The following PTPRT variants were observed in gnomAD, a reference collection of about 807,000 sequenced individuals.
PTPRT encodes receptor-type tyrosine-protein phosphatase T.
Under a neutral mutation model 176.8 loss-of-function variants are expected in PTPRT, and 56 were observed. The observed-to-expected ratio is 0.32, with a 90% CI of 0.26 to 0.40. PTPRT has a LOEUF of 0.40. Ranked by LOEUF, PTPRT falls within the 10% of genes least tolerant of loss-of-function variation. The pLI is 1.00. For synonymous variants in PTPRT, 783 were observed against 739.0 expected (o/e 1.06, Z -0.96); for missense variants, 1,540 against 1,908.2 (o/e 0.81, Z 3.60).
intron 6 of PTPRT, among the ~76,000 whole-genome samples, chr20:42,696,458 A>ATTTTAT (rs2075878424): frequency 1.2e-5 from 1 of 83,416 alleles, no homozygotes; most frequent in East Asian, 3.1e-4. Flanking sequence ...CACATGAATT[A>ATTTTAT]TTTTTTTTTT....
intron 23 of PTPRT, among the ~76,000 whole-genome samples, chr20:42,108,590 TCAA>T (rs997775995): frequency 5.9e-5 from 9 of 152,214 alleles, no homozygotes; most frequent in African/African-American, 2.2e-4. Context: ...ACTATTATAT[TCAA>T]CAAATATTTA....
At chr20:43,137,546 C>T (rs6016966) in intron 1 of PTPRT, among the ~76,000 whole-genome samples, 1 of 152,308 alleles carries the variant, frequency 6.6e-6, no homozygotes, top group South Asian at 2.1e-4. Flanking sequence ...TGGGAAAGGG[C>T]TGACACAAAC....
chr20:42,423,810 G>A (rs1449843287), intron 9 of PTPRT, among the ~76,000 whole-genome samples: 1 of 152,126 alleles, frequency 6.6e-6, no homozygotes, highest in Non-Finnish European at 1.5e-5. Context: ...ACAGAATGTG[G>A]CCATTAAAAT....
chr20:42,087,460 G>A (rs976002742), intron 27 of PTPRT, among the ~76,000 whole-genome samples: 1 of 151,472 alleles, frequency 6.6e-6, no homozygotes, highest in Non-Finnish European at 1.5e-5. Context: ...TGTTAGCCAG[G>A]ATGGTCTTGA....
intron 1 of PTPRT, among the ~76,000 whole-genome samples, chr20:43,123,894 T>C (rs2013354222): frequency 3.3e-5 from 5 of 152,226 alleles, no homozygotes; most frequent in Admixed American, 3.3e-4. Flanking sequence ...AAAATGTGTG[T>C]TGCCATTGAT....
chr20:42,969,474 T>G (rs1395078766), intron 1 of PTPRT: 4 of 152,296 alleles, frequency 2.6e-5, no homozygotes, highest in African/African-American at 9.6e-5. Context: ...AATGATGATT[T>G]GAACGTACAT....
intron 13 of PTPRT, among the ~76,000 whole-genome samples, chr20:42,278,222 G>A (rs779347578): frequency 5.0e-5 from 7 of 140,902 alleles, no homozygotes; most frequent in Non-Finnish European, 1.1e-4. Flanking sequence ...CAGAGGTCAG[G>A]ATGGTCTTCT....
At chr20:42,283,090 T>C (rs1315310954) in intron 12 of PTPRT, among the ~76,000 whole-genome samples, 1 of 152,162 alleles carries the variant, frequency 6.6e-6, no homozygotes, top group Non-Finnish European at 1.5e-5. Flanking sequence ...AAATAATGTG[T>C]GTGGCAATAG....
chr20:43,103,236 C>A (rs1373076158), intron 1 of PTPRT, among the ~76,000 whole-genome samples: 3 of 152,146 alleles, frequency 2.0e-5, no homozygotes, highest in Admixed American at 2.0e-4. Flanking sequence ...GAGTCTAGCC[C>A]CATGGCTCCA....
chr20:42,801,363 C>T (rs1437568714), intron 2 of PTPRT, among the ~76,000 whole-genome samples: 2 of 152,120 alleles, frequency 1.3e-5, no homozygotes, highest in Admixed American at 1.3e-4. Flanking sequence ...GGCTTTCTCC[C>T]CTGGCTTCTC....
chr20:42,380,986 T>C (rs958489386), intron 9 of PTPRT, among the ~76,000 whole-genome samples: 2 of 151,984 alleles, frequency 1.3e-5, no homozygotes, highest in African/African-American at 4.8e-5. Flanking sequence ...AGCAGGCACA[T>C]TTCACATGGT....
At position 42,191,488 on chromosome 20, in the gene PTPRT, T is replaced by TG. The variant is rs1181999672; in HGVS notation, c.2491+7751_2491+7752insC. ...TCATGGTTGTCTTGGAAACCACACA[T>TG]TCCGTGGGCATGGACCAAATGGAGA... On this transcript the variant is annotated intron_variant, in intron 16 of 30. Transcript: ENST00000373187. Among the ~76,000 whole-genome samples, 82 of 152,158 alleles carry TG rather than the reference T, an allele frequency of 5.4e-4. 1 individual carries two copies. The highest frequency in any genetic ancestry group is 2.0e-3 in the African/African-American group (81 of 41,440).
intron 9 of PTPRT, among the ~76,000 whole-genome samples, chr20:42,441,915 A>T (rs1227208596): frequency 1.3e-5 from 2 of 152,168 alleles, no homozygotes; most frequent in Admixed American, 1.3e-4. Context: ...GAATTATGCA[A>T]ATTTTTGCTT....
intron 15 of PTPRT, among the ~76,000 whole-genome samples, chr20:42,228,156 G>A (rs2056060283): frequency 6.6e-6 from 1 of 152,142 alleles, no homozygotes; most frequent in Non-Finnish European, 1.5e-5. Flanking sequence ...AAAAGTAATT[G>A]CGGTTTTTGC....
intron 13 of PTPRT, chr20:42,270,492 A>G (rs1272838116): frequency 6.5e-7 from 1 of 1,537,984 alleles, no homozygotes; most frequent in East Asian, 2.4e-5. Context: ...AGCATGCAGA[A>G]GAGAAGGAGA....
intron 7 of PTPRT, among the ~76,000 whole-genome samples, chr20:42,634,034 A>T (rs1161423559): frequency 3.5e-5 from 1 of 28,540 alleles, no homozygotes; most frequent in Non-Finnish European, 5.5e-5. Context: ...TATATATATT[A>T]TATATATTAT....
chr20:42,860,422 TA>T (rs1379219964), intron 2 of PTPRT, among the ~76,000 whole-genome samples: 3 of 152,254 alleles, frequency 2.0e-5, no homozygotes, highest in African/African-American at 7.2e-5. Context: ...AGATAAACCT[TA>T]AAATCATTTT....
intron 13 of PTPRT, among the ~76,000 whole-genome samples, chr20:42,253,298 A>G (rs973897785): frequency 6.6e-6 from 1 of 152,192 alleles, no homozygotes; most frequent in East Asian, 1.9e-4. Flanking sequence ...CTTTCCACAG[A>G]TGCCAGCAGT....
chr20:42,843,568 C>A (rs543574191), intron 2 of PTPRT, among the ~76,000 whole-genome samples: 1 of 152,262 alleles, frequency 6.6e-6, no homozygotes, highest in South Asian at 2.1e-4. Context: ...CCTCTGGTGG[C>A]CTGAATTTAG....
Sources: gnomAD v4.1 joint callset for allele counts (sites outside exome capture counted in the v4.1 genomes callset) on GRCh38, gnomAD v4.1.1 for gene constraint, MANE v1.5 for transcripts, NCBI Gene and HGNC (gene_info 2026-07-23, HGNC 2026-07-21) for gene names.